Variants in EYS observed in about 807,000 individuals in gnomAD.
EYS encodes protein eyes shut homolog.
Under a neutral mutation model 282.1 loss-of-function variants are expected in EYS, and 250 were observed. The observed-to-expected ratio is 0.89, with a 90% CI of 0.80 to 0.98. The LOEUF (loss-of-function observed/expected upper bound fraction) is 0.98. Among genes scored for constraint, EYS ranks in the 50% least tolerant of loss-of-function variants. EYS has a pLI of 0.00. For missense variants in EYS, 4,016 were observed against 3,709.0 expected (o/e 1.08, Z -2.15); for synonymous variants, 1,355 against 1,282.9 (o/e 1.06, Z -1.20).
intron 8 of EYS, among the ~76,000 whole-genome samples, chr6:65,371,731 CTCTCTCTCTCTG>C (rs1169282163): frequency 0.026 from 1,309 of 50,852 alleles, 11 homozygotes; most frequent in African/African-American, 0.061. Flanking sequence ...CTCTCTCTCT[CTCTCTCTCTCTG>C]TGTGTGTGTG....
At chr6:65,688,465 A>C (rs1190593498) in intron 1 of EYS, among the ~76,000 whole-genome samples, 1 of 152,170 alleles carries the variant, frequency 6.6e-6, no homozygotes, top group Non-Finnish European at 1.5e-5. Context: ...TGTTAGACCT[A>C]AAACCATAAA....
intron 15 of EYS, among the ~76,000 whole-genome samples, chr6:64,921,493 G>T (rs1489278318): frequency 1.3e-5 from 2 of 152,058 alleles, no homozygotes; most frequent in African/African-American, 4.8e-5. Flanking sequence ...GTCACTAAAG[G>T]GTCACCTGTC....
chr6:65,519,708 A>ATATATATATATATATATATATATTTTT (rs1554205854), intron 2 of EYS, among the ~76,000 whole-genome samples: 1 of 42,562 alleles, frequency 2.3e-5, no homozygotes, highest in African/African-American at 1.3e-4. Context: ...ATATATATAT[A>ATATATATATATATATATATATATTTTT]TTTTTTTTTT....
chr6:64,955,719 T>C (rs1461349958), intron 14 of EYS, among the ~76,000 whole-genome samples: 1 of 152,176 alleles, frequency 6.6e-6, no homozygotes, highest in Non-Finnish European at 1.5e-5. Context: ...TATGGTCTAC[T>C]CCAGATATGC....
intron 14 of EYS, among the ~76,000 whole-genome samples, chr6:64,982,471 T>G (rs542291096): frequency 6.6e-6 from 1 of 151,432 alleles, no homozygotes; most frequent in South Asian, 2.1e-4. Context: ...TAGTAGGATC[T>G]GTCATGCACA....
At chr6:65,498,960 A>G (rs992968275) in intron 2 of EYS, among the ~76,000 whole-genome samples, 7 of 152,034 alleles carry the variant, frequency 4.6e-5, no homozygotes, top group African/African-American at 1.7e-4. Flanking sequence ...TTAATATCTT[A>G]TAAATTCTTG....
At chr6:65,366,802 T>A (rs569158972) in intron 8 of EYS, among the ~76,000 whole-genome samples, 13 of 151,688 alleles carry the variant, frequency 8.6e-5, no homozygotes, top group African/African-American at 2.9e-4. Context: ...GAGGGGGAAA[T>A]CTGTTTCTTT....
chr6:65,063,567 G>T (rs1027833458), intron 12 of EYS, among the ~76,000 whole-genome samples: 4 of 152,092 alleles, frequency 2.6e-5, no homozygotes, highest in Middle Eastern at 3.4e-3. Flanking sequence ...CAGAATAATG[G>T]CCAAAAGGTG....
intron 30 of EYS, among the ~76,000 whole-genome samples, chr6:64,306,366 C>T (rs770733036): frequency 6.6e-6 from 1 of 152,098 alleles, no homozygotes; most frequent in Non-Finnish European, 1.5e-5. Flanking sequence ...CCCAAAATAA[C>T]CCCTTTTATA....
At chr6:65,639,921 T>C (rs759937451) in intron 1 of EYS, 29 bp from the exon 2 acceptor site, 7 of 152,106 alleles carry the variant, frequency 4.6e-5, no homozygotes, top group African/African-American at 7.2e-5. Context: ...GAAAAATTAT[T>C]TTATCTTTCA....
At chr6:63,987,991 C>T (rs1055778442) in intron 34 of EYS, among the ~76,000 whole-genome samples, 2 of 151,524 alleles carry the variant, frequency 1.3e-5, no homozygotes, top group African/African-American at 4.8e-5. Context: ...AGTCTCTGCT[C>T]CTAAGGGTGT....
At position 64,270,983 on chromosome 6, in the gene EYS, T is replaced by C. The variant is rs576434554; in HGVS notation, c.6191+35987A>G. On this transcript the variant is annotated intron_variant, in intron 30 of 42. Coordinates refer to ENST00000503581, the MANE Select transcript of EYS (RefSeq NM_001142800.2). The stretch of plus-strand genomic sequence containing the variant: ...TAACAACATTCCTAAGATTTAACCA[T>C]GTTGATATGTTTATCTCTAGGTCGC... Among the ~76,000 whole-genome samples the C allele has an allele frequency of 2.6e-5, 4 of 152,338 alleles. No homozygotes were observed. In the South Asian group the frequency reaches 8.3e-4, roughly 32 times the overall value.
At chr6:65,675,805 C>T (rs2149835302) in intron 1 of EYS, among the ~76,000 whole-genome samples, 1 of 151,982 alleles carries the variant, frequency 6.6e-6, no homozygotes, top group East Asian at 1.9e-4. Flanking sequence ...ACATTCTTCT[C>T]AAGTGTACAT....
intron 40 of EYS, 24 bp downstream of exon 40, chr6:63,777,982 C>A (rs1225382728): frequency 1.4e-5 from 21 of 1,549,908 alleles, no homozygotes; most frequent in Non-Finnish European, 1.6e-5. Context: ...CTGCTACTTT[C>A]ATTCCTAATA....
At chr6:65,425,650 T>C (rs932544248) in intron 5 of EYS, among the ~76,000 whole-genome samples, 7 of 152,132 alleles carry the variant, frequency 4.6e-5, no homozygotes, top group Non-Finnish European at 8.8e-5. Context: ...TATCCTTCCA[T>C]TAGAAATTTA....
At chr6:63,847,186 T>G (rs549056018) in intron 36 of EYS, among the ~76,000 whole-genome samples, 1 of 152,200 alleles carries the variant, frequency 6.6e-6, no homozygotes, top group African/African-American at 2.4e-5. Flanking sequence ...CTTGATTATA[T>G]AAGACCACTT....
intron 19 of EYS, among the ~76,000 whole-genome samples, chr6:64,829,685 T>C (rs998770082): frequency 6.6e-6 from 1 of 151,974 alleles, no homozygotes; most frequent in African/African-American, 2.4e-5. Flanking sequence ...CTTTTGGGGA[T>C]GGAACACTAA....
intron 12 of EYS, among the ~76,000 whole-genome samples, chr6:65,222,642 A>G (rs1766499361): frequency 6.6e-6 from 1 of 152,242 alleles, no homozygotes; most frequent in African/African-American, 2.4e-5. Flanking sequence ...AAACGGAAAT[A>G]TAACCATGAA....
chr6:64,531,591 T>G (rs1439466796), intron 26 of EYS, among the ~76,000 whole-genome samples: 6 of 148,638 alleles, frequency 4.0e-5, no homozygotes, highest in African/African-American at 1.3e-4. Flanking sequence ...TTATTTTATT[T>G]TATTTTATTT....
Sources: gnomAD v4.1 joint callset for allele counts (sites outside exome capture counted in the v4.1 genomes callset) on GRCh38, gnomAD v4.1.1 for gene constraint, MANE v1.5 for transcripts, NCBI Gene and HGNC (gene_info 2026-07-23, HGNC 2026-07-21) for gene names.